The following PHACTR2 variants were observed in gnomAD, a reference collection of about 807,000 sequenced individuals.
PHACTR2 encodes the protein chromosome 6 open reading frame 56.
In PHACTR2, 30 loss-of-function variants were observed where a neutral mutation model predicts 76.0. The ratio of observed to expected loss-of-function variants is 0.39; its 90% CI spans 0.30 to 0.54. The LOEUF (loss-of-function observed/expected upper bound fraction) is 0.54. PHACTR2 is among the 20% of genes least tolerant of loss of function. The pLI, the probability that PHACTR2 is intolerant of heterozygous loss-of-function variation, is 0.61. For missense variants in PHACTR2, 696 were observed against 781.1 expected (o/e 0.89, Z 1.30); for synonymous variants, 292 against 292.5 (o/e 1.00, Z 0.02).
intron 2 of PHACTR2, among the ~76,000 whole-genome samples, chr6:143,732,023 A>C (rs1778709697): frequency 6.6e-6 from 1 of 152,178 alleles, no homozygotes; most frequent in Admixed American, 6.5e-5. Flanking sequence ...CAACTGCCTT[A>C]TCTCCTTCCA....
rs1240052266 is a variant in PHACTR2, at chr6:143,806,230, C to A, written c.1846-827C>A. ...AATGGCGTAAGCATCCCCTCAAATA[C>A]CAAAAATTACGTGACACGGATTATG... is the stretch of plus-strand genomic sequence containing the variant. On this transcript the variant is annotated intron_variant, in intron 11 of 12. Transcript: ENST00000440869. The surrounding 1 kb of genome is among the most constrained non-coding windows in gnomAD (Gnocchi z 5.8). Among the ~76,000 whole-genome samples, 2 of 152,136 alleles carry A rather than the reference C, an allele frequency of 1.3e-5. No individual in the cohort carries two copies. The highest frequency in any genetic ancestry group is 2.9e-5 in the Non-Finnish European group (2 of 68,022).
Position 143,827,190 on chromosome 6 carries a change from A to ATATATG in PHACTR2, c.*3506_*3507insGTATAT, listed in dbSNP as rs1776562104. On this transcript the variant is annotated 3_prime_UTR_variant, in exon 13 of 13. Coordinates refer to ENST00000440869, the MANE Select transcript of PHACTR2 (RefSeq NM_001100164.2). Reference sequence around the variant, plus strand: ...TATATATATATATATATATATATATATATATATATGTATATTATATATACA... The same window carrying ATATATG: ...TATATATATATATATATATATATATATATATGTATATATATGTATATTATATATACA... 8.2e-6 allele frequency: 1 copy of ATATATG among 121,464 alleles called. No individual in the cohort carries two copies. Among genetic ancestry groups the ATATATG allele is most frequent in the Non-Finnish European group, 1.8e-5 (1 of 57,038 alleles). 7.5% of individuals were successfully genotyped at this position (121,464 alleles called of 1,614,324 possible).
At chr6:143,569,234 C>T (rs781661021) in intron 1 of PHACTR2, among the ~76,000 whole-genome samples, 1 of 152,078 alleles carries the variant, frequency 6.6e-6, no homozygotes, top group Non-Finnish European at 1.5e-5. Flanking sequence ...GTGAGAAGCT[C>T]GTGCATAATT....
intron 1 of PHACTR2, among the ~76,000 whole-genome samples, chr6:143,552,126 T>C (rs1189398046): frequency 6.6e-6 from 1 of 152,162 alleles, no homozygotes; most frequent in Non-Finnish European, 1.5e-5. Context: ...AAGGCATTTG[T>C]TGGAAAGCGA....
At chr6:143,726,788 T>G (rs1462701176) in intron 2 of PHACTR2, among the ~76,000 whole-genome samples, 1 of 152,222 alleles carries the variant, frequency 6.6e-6, no homozygotes. Context: ...TTAATTTCCC[T>G]AATGGGCTAA....
Position 143,680,384 on chromosome 6 carries a change from T to G in PHACTR2, c.46+2175T>G, listed in dbSNP as rs924349619. ...TTAGGATTACAGTATTAAAGATGATTCTCATCTTAAATGCTTAGTGGGCGA... is the reference window on the plus strand; with the variant it reads ...TTAGGATTACAGTATTAAAGATGATGCTCATCTTAAATGCTTAGTGGGCGA... On this transcript the variant is annotated intron_variant, in intron 1 of 12. Coordinates refer to ENST00000440869, the MANE Select transcript of PHACTR2 (RefSeq NM_001100164.2). The surrounding 1 kb of genome is among the most constrained non-coding windows in gnomAD (Gnocchi z 4.5). Among the ~76,000 whole-genome samples the G allele has an allele frequency of 2.6e-5, 4 of 152,158 alleles. No homozygotes were observed. Among genetic ancestry groups the G allele is most frequent in the Admixed American group, 2.6e-4 (4 of 15,286 alleles).
chr6:143,560,924 T>TGTTA (rs1775262197), intron 1 of PHACTR2, among the ~76,000 whole-genome samples: 1 of 123,614 alleles, frequency 8.1e-6, no homozygotes, highest in Non-Finnish European at 1.8e-5. Flanking sequence ...TGTGTGTGTG[T>TGTTA]GTTAGGTAGG....
At position 143,772,986 on chromosome 6, in the gene PHACTR2, G is replaced by T. The variant is rs533223710; in HGVS notation, c.1432+529G>T. On this transcript the variant is annotated intron_variant, in intron 7 of 12. Coordinates refer to ENST00000440869, the MANE Select transcript of PHACTR2 (RefSeq NM_001100164.2). This position sits in a 1 kb window ranked among gnomAD's most constrained non-coding sequence, Gnocchi z 5.4. ...GTCTAATTTTGGGAGGCTAACGTGG[G>T]TGAATCCCTTGAGGTCAGGAGTTCG... Among the ~76,000 whole-genome samples, 1 of 152,210 alleles carries T rather than the reference G, an allele frequency of 6.6e-6. No homozygotes were observed. The highest frequency in any genetic ancestry group is 2.1e-4 in the South Asian group (1 of 4,834).
chr6:143,568,736 A>G (rs1237061067), intron 1 of PHACTR2, among the ~76,000 whole-genome samples: 1 of 152,362 alleles, frequency 6.6e-6, no homozygotes, highest in South Asian at 2.1e-4. Context: ...GATTTTTAGA[A>G]TGAATGTACT....
At chr6:143,804,667 A>T (rs11752084) in intron 11 of PHACTR2, among the ~76,000 whole-genome samples, 43,423 of 152,140 alleles carry the variant, frequency 0.29, 6,371 homozygotes, top group Admixed American at 0.39. Context: ...TGTAAATTCC[A>T]TATCTCAGTT....
At chr6:143,559,806 G>C (rs1160046802) in intron 1 of PHACTR2, among the ~76,000 whole-genome samples, 1 of 135,220 alleles carries the variant, frequency 7.4e-6, no homozygotes, top group Non-Finnish European at 1.5e-5. Flanking sequence ...TGCTTCCCAG[G>C]TTCAATCGAT....
rs1454332326 is a variant in PHACTR2 at position 143,621,259 on chromosome 6, C to A, written c.13+12937C>A. 1.3e-5 allele frequency among the ~76,000 whole-genome samples: 2 copies of A among 152,142 alleles called. No homozygotes were observed. Among genetic ancestry groups the A allele is most frequent in the African/African-American group, 4.8e-5 (2 of 41,442 alleles). ...CGGGTCTACAGAAAACATCAGGAGG[C>A]CCCCACAGGTTTCATTCTGGCTTCT... On this transcript the variant is annotated intron_variant, in intron 1 of 11. Coordinates refer to the PHACTR2 transcript ENST00000305766. This position sits in a 1 kb window ranked among gnomAD's most constrained non-coding sequence, Gnocchi z 4.1.
chr6:143,649,148 C>A (rs755413238), intron 1 of PHACTR2, among the ~76,000 whole-genome samples: 1 of 152,034 alleles, frequency 6.6e-6, no homozygotes, highest in Non-Finnish European at 1.5e-5. Flanking sequence ...CCAAAGCCCA[C>A]GGCTTTTCCT....
chr6:143,741,876 C>T (rs1057231362), intron 2 of PHACTR2, among the ~76,000 whole-genome samples: 7 of 151,966 alleles, frequency 4.6e-5, no homozygotes, highest in African/African-American at 7.2e-5. Flanking sequence ...CTCAGGCAGG[C>T]GGATCACCTG....
At chr6:143,601,585 C>A (rs1396149167) in intron 1 of PHACTR2, among the ~76,000 whole-genome samples, 2 of 152,228 alleles carry the variant, frequency 1.3e-5, no homozygotes, top group Non-Finnish European at 2.9e-5. Flanking sequence ...TATTGAGGAA[C>A]CCTCTCTCTA....
chr6:143,566,831 C>CAAA (rs528672385), intron 1 of PHACTR2, among the ~76,000 whole-genome samples: 1 of 137,980 alleles, frequency 7.2e-6, no homozygotes, highest in African/African-American at 2.6e-5. Flanking sequence ...AAGGACTTTT[C>CAAA]AAAAAAAAAA....
rs1778970075 is a variant in PHACTR2 at position 143,742,639 on chromosome 6, A to AG, written c.215-6341dup. Among the ~76,000 whole-genome samples, 1 of 152,160 alleles carries AG rather than the reference A, an allele frequency of 6.6e-6. No homozygotes were observed. Among genetic ancestry groups the AG allele is most frequent in the Non-Finnish European group, 1.5e-5 (1 of 68,016 alleles). ...TTCTACAAATAACATGGACTAAGAG[A>AG]GGGGGAATGTGGCTTCCCAAAGGAA... is the stretch of plus-strand genomic sequence containing the variant. On this transcript the variant is annotated intron_variant, in intron 2 of 12. Coordinates refer to ENST00000440869, the MANE Select transcript of PHACTR2 (RefSeq NM_001100164.2). The surrounding 1 kb of genome is among the most constrained non-coding windows in gnomAD (Gnocchi z 4.5).
rs1042838195 is a variant in PHACTR2, at chr6:143,775,346, C to A, written c.1589+1131C>A. Among the ~76,000 whole-genome samples, 29 of 152,308 alleles carry A rather than the reference C, an allele frequency of 1.9e-4. No homozygotes were observed. Among genetic ancestry groups the A allele is most frequent in the African/African-American group, 4.8e-4 (20 of 41,580 alleles). On this transcript the variant is annotated intron_variant, in intron 8 of 12. Transcript: ENST00000440869. The surrounding 1 kb of genome is among the most constrained non-coding windows in gnomAD (Gnocchi z 4.4). The stretch of plus-strand genomic sequence containing the variant: ...GTTTACCAGTGGTCTCTCTCGCTCT[C>A]GTCTTCTTAATTCAGCCCTAACCTG...
chr6:143,643,763 T>G (rs2128444604), intron 1 of PHACTR2, among the ~76,000 whole-genome samples: 2 of 152,344 alleles, frequency 1.3e-5, no homozygotes, highest in Admixed American at 1.3e-4. Flanking sequence ...CTCTTTAGAT[T>G]GTTAAAATGT....
Sources: gnomAD v4.1 joint callset for allele counts (sites outside exome capture counted in the v4.1 genomes callset) on GRCh38, gnomAD v4.1.1 for gene constraint, Gnocchi (gnomAD v3.1) non-coding constraint, MANE v1.5 for transcripts, NCBI Gene and HGNC (gene_info 2026-07-23, HGNC 2026-07-21) for gene names.